TTBK1: variants seen among roughly 807,000 people sequenced by gnomAD.
TTBK1 encodes tau tubulin kinase 1, also known as tau-tubulin kinase 1.
In TTBK1, 34 loss-of-function variants were observed where a neutral mutation model predicts 108.5. That is an observed-to-expected ratio of 0.31 (90% CI 0.24 to 0.42). TTBK1 has a LOEUF of 0.42. Among genes scored for constraint, TTBK1 ranks in the 10% least tolerant of loss-of-function variants. The probability of loss-of-function intolerance (pLI) is 1.00; values close to 1 mark genes in which losing one functional copy is unlikely to be tolerated. For missense variants in TTBK1, 1,539 were observed against 1,826.0 expected (o/e 0.84, Z 2.86); for synonymous variants, 809 against 795.1 (o/e 1.02, Z -0.29).
Position 43,282,617 on chromosome 6 carries a change from TG to T in TTBK1, c.1987-108del. The T allele has an allele frequency of 1.1e-6, 1 of 886,664 alleles. No individual in the cohort carries two copies. The highest frequency in any genetic ancestry group is 1.8e-6 in the Non-Finnish European group (1 of 561,892). 54.9% of individuals were successfully genotyped at this position (886,664 alleles called of 1,614,324 possible). ...GCTTAACTTTATGGAGCTCACACTC[TG>T]GTAGACGACCTGGGCCTGTGAGTCT... On this transcript the variant is annotated intron_variant, in intron 13 of 14. Coordinates refer to ENST00000259750, the MANE Select transcript of TTBK1 (RefSeq NM_032538.3). The surrounding 1 kb of genome is among the most constrained non-coding windows in gnomAD (Gnocchi z 5.4).
In TTBK1 at chr6:43,259,719, C is replaced by T; in HGVS notation, c.1424+13C>T. ...TACCTGAGAGGAGGTGGGTCTGGGGCCAGGGGCATGGTTGGGGCCCAAGGC... is the reference window on the plus strand; with the variant it reads ...TACCTGAGAGGAGGTGGGTCTGGGGTCAGGGGCATGGTTGGGGCCCAAGGC... On this transcript the variant is annotated intron_variant, in intron 12 of 14. Coordinates refer to ENST00000259750, the MANE Select transcript of TTBK1 (RefSeq NM_032538.3). This position sits in a 1 kb window ranked among gnomAD's most constrained non-coding sequence, Gnocchi z 6.7. 1.9e-6 allele frequency: 3 copies of T among 1,560,190 alleles called. No homozygotes were observed. The highest frequency in any genetic ancestry group is 1.4e-5 in the African/African-American group (1 of 73,542).
At position 43,253,195 on chromosome 6, in the gene TTBK1, G is replaced by A. The variant is rs1439523788; in HGVS notation, c.257-96G>A. 1.5e-6 allele frequency: 2 copies of A among 1,358,888 alleles called. No individual in the cohort carries two copies. Among genetic ancestry groups the A allele is most frequent in the African/African-American group, 1.4e-5 (1 of 69,996 alleles). 84.2% of individuals were successfully genotyped at this position (1,358,888 alleles called of 1,614,324 possible). A position where few individuals can be genotyped will look rare whatever the true frequency, so the allele number is the denominator to read the frequency against. On this transcript the variant is annotated intron_variant, in intron 3 of 14. Coordinates refer to ENST00000259750, the MANE Select transcript of TTBK1 (RefSeq NM_032538.3). The surrounding 1 kb of genome is among the most constrained non-coding windows in gnomAD (Gnocchi z 5.8). ...AGGTGCTCACAGGGCCAGCACTGGA[G>A]GGACCAGGAATCAAGAGTGCACTAG...
rs1287124998 is a variant in TTBK1, at chr6:43,284,090, A to C, written c.3350A>C (p.Gln1117Pro). Reference protein sequence around the residue: ...SGASSSSSEEQRRASETLSGT... With the variant: ...SGASSSSSEEPRRASETLSGT... Reference sequence around the variant, plus strand: ...GCCTCGTCCTCCTCCAGTGAGGAGCAGCGCCGTGCCTCTGAGACCCTCTCA... The same window carrying C: ...GCCTCGTCCTCCTCCAGTGAGGAGCCGCGCCGTGCCTCTGAGACCCTCTCA... The change falls in exon 14 of 15, where the codon CAG becomes CCG. Residue 1117 changes from glutamine (Q) to proline (P), a missense_variant. Gln to Pro is a moderately conservative substitution (Grantham distance 76). Coordinates refer to ENST00000259750, the MANE Select transcript of TTBK1 (RefSeq NM_032538.3). The C allele has an allele frequency of 2.5e-5, 38 of 1,540,010 alleles. No individual in the cohort carries two copies. Among genetic ancestry groups the C allele is most frequent in the Non-Finnish European group, 3.3e-5 (38 of 1,145,000 alleles).
At chr6:43,258,356 T>C (rs1171921330) in intron 10 of TTBK1, among the ~76,000 whole-genome samples, 1 of 152,124 alleles carries the variant, frequency 6.6e-6, no homozygotes, top group Non-Finnish European at 1.5e-5. Flanking sequence ...TTGAAATCGA[T>C]GGGTCAGCAA....
At chr6:43,280,924 C>T (rs982498788) in intron 13 of TTBK1, among the ~76,000 whole-genome samples, 1 of 152,108 alleles carries the variant, frequency 6.6e-6, no homozygotes, top group African/African-American at 2.4e-5. Flanking sequence ...TAAGTGTGAG[C>T]TGGAAGATGC....
At chr6:43,245,519 C>A (rs1349586945) in intron 1 of TTBK1, among the ~76,000 whole-genome samples, 1 of 151,592 alleles carries the variant, frequency 6.6e-6, no homozygotes, top group Non-Finnish European at 1.5e-5. Context: ...TAGAAAAGCA[C>A]ACAGACACAC....
intron 2 of TTBK1, among the ~76,000 whole-genome samples, chr6:43,247,810 G>T (rs1398396647): frequency 6.6e-6 from 1 of 152,212 alleles, no homozygotes; most frequent in African/African-American, 2.4e-5. Context: ...CCTAGAAAGA[G>T]GCAACGGTGG....
At chr6:43,260,105 G>A (rs1777498561) in intron 12 of TTBK1, among the ~76,000 whole-genome samples, 1 of 152,146 alleles carries the variant, frequency 6.6e-6, no homozygotes, top group African/African-American at 2.4e-5. Flanking sequence ...AGGGGGCCTG[G>A]GAATTGCTGG....
At chr6:43,270,429 G>GTA (rs1348141217) in intron 13 of TTBK1, 1 of 967,182 alleles carries the variant, frequency 1.0e-6, no homozygotes, top group Non-Finnish European at 1.2e-6. Context: ...GTGTGTGTGT[G>GTA]TGTGTGTGTG....
At chr6:43,258,993 G>A in intron 10 of TTBK1, 45 bp from the exon 11 acceptor site, 1 of 1,475,532 alleles carries the variant, frequency 6.8e-7, no homozygotes, top group Non-Finnish European at 9.3e-7. Context: ...GAAGGAGAGG[G>A]CACCCCTGCC....
At position 43,259,763 on chromosome 6, in the gene TTBK1, G is replaced by T. The variant is rs1777488988; in HGVS notation, c.1424+57G>T. The T allele has an allele frequency of 2.3e-5, 33 of 1,459,264 alleles. 2 individuals carry two copies. The South Asian group carries it at 3.9e-4, about 17-fold the overall frequency. The allele number at this position is 1,459,264 out of a possible 1,614,324, so 90.4% of individuals were successfully genotyped here. A position where few individuals can be genotyped will look rare whatever the true frequency, so the allele number is the denominator to read the frequency against. On this transcript the variant is annotated intron_variant, in intron 12 of 14. Transcript: ENST00000259750. This position sits in a 1 kb window ranked among gnomAD's most constrained non-coding sequence, Gnocchi z 6.7. ...CCAAGGCCCTCTCCGCCTTCACGTGGCTGGTCTGGAGGAAAAGTTAGATGT... is the reference window on the plus strand; with the variant it reads ...CCAAGGCCCTCTCCGCCTTCACGTGTCTGGTCTGGAGGAAAAGTTAGATGT...
At position 43,273,954 on chromosome 6, in the gene TTBK1, A is replaced by G. The variant is rs748097118; in HGVS notation, c.1987-8773A>G. On this transcript the variant is annotated intron_variant, in intron 13 of 14. Transcript: ENST00000259750. This position sits in a 1 kb window ranked among gnomAD's most constrained non-coding sequence, Gnocchi z 4.2. ...CTTGCCCAGGAACTCGAACCTGGCC[A>G]GTGGGGATGTGTGGTGTGTGCTGTG... 2.6e-5 allele frequency among the ~76,000 whole-genome samples: 4 copies of G among 152,130 alleles called. No individual in the cohort carries two copies. Among genetic ancestry groups the G allele is most frequent in the Admixed American group, 6.5e-5 (1 of 15,280 alleles).
chr6:43,272,128 T>G, intron 13 of TTBK1: 3 of 985,360 alleles, frequency 3.0e-6, no homozygotes, highest in Non-Finnish European at 3.6e-6. Flanking sequence ...CCACCCCAGG[T>G]AGTGGCAGGA....
intron 13 of TTBK1, among the ~76,000 whole-genome samples, chr6:43,280,499 C>A (rs1778127086): frequency 6.6e-6 from 1 of 152,212 alleles, no homozygotes; most frequent in Admixed American, 6.5e-5. Context: ...CATATCCCCA[C>A]TTAGTTTCCT....
chr6:43,262,841 C>G lies in TTBK1; in HGVS notation c.1477C>G (p.Pro493Ala), dbSNP rs376909303. Residue 493 changes from proline to alanine, a missense_variant, in exon 13 of 15, where the codon CCA becomes GCA. Pro to Ala is a conservative substitution (Grantham distance 27, BLOSUM62 -1). Transcript: ENST00000259750. ...SPSRQACSSQ[P>A]AQMLSVDTGH... is the part of the protein sequence containing the mutation. ...CTCGCGCCAGGCCTGCTCCTCTCAG[C>G]CAGCCCAGATGCTGTCAGTGGACAC... 121 of 1,603,408 alleles carry G rather than the reference C, an allele frequency of 7.5e-5. No homozygotes were observed. Among genetic ancestry groups the G allele is most frequent in the Non-Finnish European group, 1.0e-5 (12 of 1,173,486 alleles).
At chr6:43,248,322 G>A (rs1486152989) in intron 2 of TTBK1, among the ~76,000 whole-genome samples, 1 of 152,074 alleles carries the variant, frequency 6.6e-6, no homozygotes, top group African/African-American at 2.4e-5. Context: ...TCCAAGTGAG[G>A]ATGGCACTGA....
chr6:43,271,990 A>AGACC (rs1777847326), intron 13 of TTBK1: 2 of 985,094 alleles, frequency 2.0e-6, no homozygotes, highest in African/African-American at 3.5e-5. Flanking sequence ...GAGAGGGTCA[A>AGACC]GGTGGACCCT....
Position 43,260,316 on chromosome 6 carries a change from ATC to A in TTBK1, c.1424+612_1424+613del, listed in dbSNP as rs536735263. On this transcript the variant is annotated intron_variant, in intron 12 of 14. Transcript: ENST00000259750. ...CAACAAGGGCCAGGGCCCGGTCCCC[ATC>A]TGTGCTGGTGGTGGGTGGGACAACA... 4.9e-3 allele frequency among the ~76,000 whole-genome samples: 748 copies of A among 152,290 alleles called. 3 individuals carry two copies. The highest frequency in any genetic ancestry group is 9.7e-3 in the Admixed American group (149 of 15,306).
intron 2 of TTBK1, among the ~76,000 whole-genome samples, chr6:43,249,378 A>G (rs889304227): frequency 1.3e-5 from 2 of 152,098 alleles, no homozygotes; most frequent in African/African-American, 4.8e-5. Flanking sequence ...GAGTGGAGAA[A>G]AGGGAGACTG....
Sources: gnomAD v4.1 joint callset for allele counts (sites outside exome capture counted in the v4.1 genomes callset) on GRCh38, gnomAD v4.1.1 for gene constraint, Gnocchi (gnomAD v3.1) non-coding constraint, MANE v1.5 for transcripts, NCBI Gene and HGNC (gene_info 2026-07-23, HGNC 2026-07-21) for gene names.